NRBF2: variants seen among roughly 807,000 people sequenced by gnomAD.
NRBF2 encodes nuclear receptor-binding factor 2.
A neutral mutation model predicts 28.5 loss-of-function variants in NRBF2; 12 were observed. The ratio of observed to expected loss-of-function variants is 0.42; its 90% CI spans 0.27 to 0.68. The LOEUF is 0.68. Ranked by LOEUF, NRBF2 falls within the 30% of genes least tolerant of loss-of-function variation. The pLI is 0.24. For missense variants in NRBF2, 274 were observed against 333.5 expected, an observed-to-expected ratio of 0.82 and a Z score of 1.39; for synonymous variants, 102 against 116.5, an observed-to-expected ratio of 0.88 and a Z score of 0.80.
chr10:63,136,820 G>T (rs1841386414), intron 1 of NRBF2, among the ~76,000 whole-genome samples: 1 of 152,168 alleles, frequency 6.6e-6, no homozygotes, highest in Non-Finnish European at 1.5e-5. Flanking sequence ...TTGGCAGTAA[G>T]GGCCTTAGAA....
At chr10:63,137,837 G>T (rs1564528538) in intron 1 of NRBF2, among the ~76,000 whole-genome samples, 1 of 152,074 alleles carries the variant, frequency 6.6e-6, no homozygotes. Flanking sequence ...GCTGAGCTAG[G>T]CATAATGAAA....
intron 1 of NRBF2, among the ~76,000 whole-genome samples, chr10:63,140,930 AC>A (rs1345022359): frequency 6.6e-6 from 1 of 151,294 alleles, no homozygotes; most frequent in Non-Finnish European, 1.5e-5. Context: ...CAAACTCCTG[AC>A]CTCGTGATCT....
At chr10:63,135,557 G>A (rs1038127921) in intron 1 of NRBF2, among the ~76,000 whole-genome samples, 1 of 151,848 alleles carries the variant, frequency 6.6e-6, no homozygotes, top group African/African-American at 2.4e-5. Context: ...AGCGAGTTTC[G>A]ACAGAGTCTT....
At chr10:63,138,276 G>T (rs181323865) in intron 1 of NRBF2, among the ~76,000 whole-genome samples, 120 of 151,900 alleles carry the variant, frequency 7.9e-4, no homozygotes, top group African/African-American at 2.8e-3. Context: ...TCACGCCCTT[G>T]CACTCCAGCC....
At chr10:63,140,701 A>G (rs891918012) in intron 1 of NRBF2, among the ~76,000 whole-genome samples, 6 of 139,514 alleles carry the variant, frequency 4.3e-5, no homozygotes, top group Admixed American at 7.7e-5. Context: ...TGCCCAGCCT[A>G]TTACTTTTTT....
intron 2 of NRBF2, among the ~76,000 whole-genome samples, chr10:63,147,617 T>TTG (rs1198643733): frequency 1.4e-5 from 2 of 147,504 alleles, no homozygotes; most frequent in Non-Finnish European, 3.0e-5. Flanking sequence ...CAGCCTTTTT[T>TTG]TTTTTTTTTT....
At chr10:63,149,327 C>A (rs1319253773) in intron 2 of NRBF2, among the ~76,000 whole-genome samples, 1 of 152,146 alleles carries the variant, frequency 6.6e-6, no homozygotes, top group Non-Finnish European at 1.5e-5. Flanking sequence ...CCTTGGCCTC[C>A]CAAAGTGCTG....
At chr10:63,138,711 T>A (rs1053063674) in intron 1 of NRBF2, among the ~76,000 whole-genome samples, 3 of 144,696 alleles carry the variant, frequency 2.1e-5, no homozygotes, top group African/African-American at 7.6e-5. Flanking sequence ...ACCACTGCAC[T>A]CCAGCCTGGG....
At chr10:63,138,995 T>C (rs1841420488) in intron 1 of NRBF2, among the ~76,000 whole-genome samples, 1 of 152,086 alleles carries the variant, frequency 6.6e-6, no homozygotes, top group Non-Finnish European at 1.5e-5. Flanking sequence ...TGTGTTCATA[T>C]GGTGTTCCTT....
chr10:63,149,557 G>A lies in NRBF2; in HGVS notation c.116-2593G>A, dbSNP rs180671338. 4.7e-3 allele frequency among the ~76,000 whole-genome samples: 719 copies of A among 152,246 alleles called. 7 individuals are homozygous for A. The highest frequency in any genetic ancestry group is 0.019 in the South Asian group (91 of 4,828). ...TGCTATACTTTTGTTTCTATTGTGA[G>A]TCTGTGGAAGAAATCCATGAACATG... On this transcript the variant is annotated intron_variant, in intron 2 of 3. Transcript: ENST00000277746.
chr10:63,147,644 A>T (rs2132690802), intron 2 of NRBF2, among the ~76,000 whole-genome samples: 1 of 144,716 alleles, frequency 6.9e-6, no homozygotes, highest in South Asian at 2.2e-4. Flanking sequence ...TCTGGGGTAC[A>T]TGTGTAGAAT....
intron 1 of NRBF2, among the ~76,000 whole-genome samples, chr10:63,134,312 GT>G (rs1288422643): frequency 6.6e-6 from 1 of 152,146 alleles, no homozygotes; most frequent in Non-Finnish European, 1.5e-5. Flanking sequence ...GCATCTTTTA[GT>G]TTTCCAGAGA....
intron 3 of NRBF2, among the ~76,000 whole-genome samples, chr10:63,152,752 T>C (rs932725277): frequency 6.6e-6 from 1 of 152,210 alleles, no homozygotes; most frequent in Non-Finnish European, 1.5e-5. Flanking sequence ...ATCCCAGCAC[T>C]TTGGGAGGCC....
chr10:63,139,227 C>G (rs1841424921), intron 1 of NRBF2, among the ~76,000 whole-genome samples: 1 of 152,092 alleles, frequency 6.6e-6, no homozygotes, highest in Non-Finnish European at 1.5e-5. Context: ...TCTGGCTGGT[C>G]TCGAACTCTT....
intron 1 of NRBF2, among the ~76,000 whole-genome samples, chr10:63,139,573 C>G (rs1160741968): frequency 6.6e-6 from 1 of 152,136 alleles, no homozygotes; most frequent in Non-Finnish European, 1.5e-5. Context: ...AGATAATTTA[C>G]TGGACTCCAA....
chr10:63,150,728 T>C (rs1280723581), intron 2 of NRBF2, among the ~76,000 whole-genome samples: 1 of 152,266 alleles, frequency 6.6e-6, no homozygotes, highest in East Asian at 1.9e-4. Flanking sequence ...TAAATAATTA[T>C]ACAACTCAAC....
In NRBF2 at chr10:63,154,153, C is replaced by T. The variant is rs1841694543; in HGVS notation, c.799C>T (p.Pro267Ser). The change falls in exon 4 of 4, where the codon CCA becomes TCA. Residue 267 changes from proline (P) to serine (S), a missense_variant. Physicochemically the swap from Pro to Ser is moderately conservative, Grantham distance 74 (BLOSUM62 -1). Coordinates refer to ENST00000277746, the MANE Select transcript of NRBF2 (RefSeq NM_030759.5). ...CCCCAATCTTCCTCCCTTGGATTTT[C>T]CATCTCCAGAACTTCCTCTTATGGA... The part of the protein sequence containing the change: ...PIPNLPPLDF[P>S]SPELPLMELS... 1 of 1,613,540 alleles carries T rather than the reference C, an allele frequency of 6.2e-7. No homozygotes were observed. The highest frequency in any genetic ancestry group is 1.7e-5 in the Admixed American group (1 of 60,000).
intron 1 of NRBF2, among the ~76,000 whole-genome samples, chr10:63,135,263 C>T (rs1589015159): frequency 6.6e-6 from 1 of 152,200 alleles, no homozygotes; most frequent in Non-Finnish European, 1.5e-5. Context: ...CAGTGGATGG[C>T]TCAATACTGA....
At chr10:63,149,912 G>A (rs1040981298) in intron 2 of NRBF2, among the ~76,000 whole-genome samples, 8 of 151,748 alleles carry the variant, frequency 5.3e-5, no homozygotes, top group South Asian at 2.1e-4. Context: ...GTATCAGAGC[G>A]GTAGCAGAGC....
Sources: allele counts gnomAD v4.1 joint callset (sites outside exome capture counted in the v4.1 genomes callset), GRCh38; gene constraint gnomAD v4.1.1; transcripts MANE v1.5; gene names NCBI Gene and HGNC (gene_info 2026-07-23, HGNC 2026-07-21).